The following RBFOX1 variants were observed in gnomAD, a reference collection of about 807,000 sequenced individuals.
RBFOX1 encodes the protein RNA binding protein fox-1 homolog 1.
In RBFOX1, 8 loss-of-function variants were observed where a neutral mutation model predicts 57.7. The observed-to-expected ratio is 0.14, with a 90% CI of 0.08 to 0.25. The LOEUF is 0.25. Ranked by LOEUF, RBFOX1 falls within the 10% of genes least tolerant of loss-of-function variation. RBFOX1 has a pLI of 1.00. For synonymous variants in RBFOX1, 326 were observed against 222.4 expected, an observed-to-expected ratio of 1.47 and a Z score of -4.15; for missense variants, 611 against 548.5, an observed-to-expected ratio of 1.11 and a Z score of -1.14.
At chr16:6,971,088 T>C (rs1476528403) in intron 3 of RBFOX1, among the ~76,000 whole-genome samples, 1 of 152,178 alleles carries the variant, frequency 6.6e-6, no homozygotes, top group African/African-American at 2.4e-5. Flanking sequence ...CGTTTCCTGA[T>C]TGGATGGTAG....
In RBFOX1 at chr16:6,948,705, C is replaced by G. The variant is rs142496978; in HGVS notation, c.-15-103352C>G. ...CGTTGTGTCAGTCTTATCAGAAACTCCCTCCTCCATCATTTGACTATGTTT... is the reference window on the plus strand; with the variant it reads ...CGTTGTGTCAGTCTTATCAGAAACTGCCTCCTCCATCATTTGACTATGTTT... On this transcript the variant is annotated intron_variant, in intron 3 of 15. Transcript: ENST00000550418. Among the ~76,000 whole-genome samples, 855 of 152,200 alleles carry G rather than the reference C, an allele frequency of 5.6e-3. 7 individuals carry two copies. The highest frequency in any genetic ancestry group is 0.019 in the African/African-American group (796 of 41,516).
intron 2 of RBFOX1, among the ~76,000 whole-genome samples, chr16:6,617,068 G>C (rs375937680): frequency 2.0e-5 from 3 of 151,902 alleles, no homozygotes; most frequent in African/African-American, 7.2e-5. Context: ...CTTTGAGCAG[G>C]GTACTTAAGA....
At chr16:6,262,342 T>C (rs1319862298) in intron 1 of RBFOX1, among the ~76,000 whole-genome samples, 1 of 152,146 alleles carries the variant, frequency 6.6e-6, no homozygotes, top group African/African-American at 2.4e-5. Context: ...GTCACATGGG[T>C]ACCTCTACCT....
At chr16:5,574,981 C>T (rs988649038) in intron 2 of RBFOX1, among the ~76,000 whole-genome samples, 1 of 152,184 alleles carries the variant, frequency 6.6e-6, no homozygotes, top group South Asian at 2.1e-4. Flanking sequence ...TAAGTGGCTT[C>T]TGGCCTTGTC....
intron 4 of RBFOX1, among the ~76,000 whole-genome samples, chr16:5,892,797 A>G (rs188953224): frequency 6.1e-4 from 93 of 152,314 alleles, no homozygotes; most frequent in African/African-American, 2.2e-3. Context: ...AAGTAGTAAG[A>G]GAGCATGGCC....
chr16:6,762,053 T>G (rs2076685828), intron 3 of RBFOX1, among the ~76,000 whole-genome samples: 1 of 151,684 alleles, frequency 6.6e-6, no homozygotes, highest in Admixed American at 6.6e-5. Flanking sequence ...TTAAAAGGAT[T>G]TCTCTGGAGC....
At chr16:5,726,608 A>T (rs2052161679) in intron 3 of RBFOX1, among the ~76,000 whole-genome samples, 1 of 152,008 alleles carries the variant, frequency 6.6e-6, no homozygotes, top group Non-Finnish European at 1.5e-5. Flanking sequence ...GCTGCTTCTC[A>T]CCTCCCTTGC....
chr16:6,754,116 C>T (rs1242062099), intron 3 of RBFOX1, among the ~76,000 whole-genome samples: 2 of 152,142 alleles, frequency 1.3e-5, no homozygotes, highest in Admixed American at 6.6e-5. Flanking sequence ...AGTGCAAAGA[C>T]ATATCATTTC....
intron 4 of RBFOX1, among the ~76,000 whole-genome samples, chr16:7,165,329 C>T (rs930991999): frequency 6.6e-6 from 1 of 150,468 alleles, no homozygotes; most frequent in Non-Finnish European, 1.5e-5. Context: ...GGGCTGTGCC[C>T]ACCCAGGGTG....
At chr16:7,211,361 C>T (rs1173132563) in intron 4 of RBFOX1, among the ~76,000 whole-genome samples, 2 of 136,824 alleles carry the variant, frequency 1.5e-5, no homozygotes, top group African/African-American at 2.8e-5. Context: ...CACTGCGCCC[C>T]AGCCTGGGCG....
intron 4 of RBFOX1, among the ~76,000 whole-genome samples, chr16:7,270,154 A>G (rs757800086): frequency 6.6e-6 from 1 of 152,330 alleles, no homozygotes; most frequent in African/African-American, 2.4e-5. Context: ...AGTGTAGGCA[A>G]TGGGAACCTT....
intron 1 of RBFOX1, among the ~76,000 whole-genome samples, chr16:6,033,024 G>A (rs967079668): frequency 6.6e-6 from 1 of 152,118 alleles, no homozygotes; most frequent in Admixed American, 6.5e-5. Flanking sequence ...GCAAAGGAAG[G>A]TAGTGTAGGG....
At chr16:5,631,724 T>C (rs1330598782) in intron 3 of RBFOX1, among the ~76,000 whole-genome samples, 2 of 152,172 alleles carry the variant, frequency 1.3e-5, no homozygotes, top group Non-Finnish European at 1.5e-5. Flanking sequence ...TACTTAGTAT[T>C]GAGTTTTGGC....
intron 4 of RBFOX1, among the ~76,000 whole-genome samples, chr16:7,145,241 G>C (rs897868702): frequency 2.0e-5 from 3 of 152,062 alleles, no homozygotes; most frequent in Non-Finnish European, 4.4e-5. Flanking sequence ...GTCTTGCTCT[G>C]TTGCCCAGGC....
At chr16:6,853,904 G>A (rs1014888209) in intron 3 of RBFOX1, among the ~76,000 whole-genome samples, 5 of 152,090 alleles carry the variant, frequency 3.3e-5, no homozygotes, top group African/African-American at 1.2e-4. Flanking sequence ...TATGATTTAT[G>A]CAAATAATTA....
chr16:7,521,375 A>G (rs2077482631), intron 5 of RBFOX1, among the ~76,000 whole-genome samples: 1 of 152,216 alleles, frequency 6.6e-6, no homozygotes, highest in Non-Finnish European at 1.5e-5. Context: ...GCAATGGGAA[A>G]CCATTAAAAA....
intron 1 of RBFOX1, among the ~76,000 whole-genome samples, chr16:6,230,125 T>G (rs988441356): frequency 6.6e-6 from 1 of 152,148 alleles, no homozygotes; most frequent in Non-Finnish European, 1.5e-5. Flanking sequence ...TTAAAAGACT[T>G]TATCGCAGAG....
At chr16:7,169,145 C>G (rs1490935315) in intron 4 of RBFOX1, among the ~76,000 whole-genome samples, 3 of 152,150 alleles carry the variant, frequency 2.0e-5, no homozygotes, top group East Asian at 1.9e-4. Context: ...GAAGGCAACA[C>G]CAATAATTGT....
At chr16:6,129,148 A>C (rs1231063673) in intron 1 of RBFOX1, among the ~76,000 whole-genome samples, 1 of 152,224 alleles carries the variant, frequency 6.6e-6, no homozygotes, top group African/African-American at 2.4e-5. Context: ...AAACAGGATC[A>C]TGTGACCTAT....
Sources: gnomAD v4.1 joint callset for allele counts (sites outside exome capture counted in the v4.1 genomes callset) on GRCh38, gnomAD v4.1.1 for gene constraint, MANE v1.5 for transcripts, NCBI Gene and HGNC (gene_info 2026-07-23, HGNC 2026-07-21) for gene names.